The following LINGO2 variants were observed in gnomAD, a reference collection of about 807,000 sequenced individuals.
The protein encoded by LINGO2 is leucine rich repeat and Ig domain containing 2.
LINGO2 carries 14 observed loss-of-function variants against 30.6 expected under a neutral mutation model. The observed-to-expected ratio is 0.46, with a 90% CI of 0.30 to 0.72. The LOEUF (loss-of-function observed/expected upper bound fraction) is 0.72, where lower values mean the gene tolerates loss of function less well. LINGO2 is among the 30% of genes least tolerant of loss of function. The pLI, the probability that LINGO2 is intolerant of heterozygous loss-of-function variation, is 0.07. For missense variants in LINGO2, 729 were observed against 751.7 expected (o/e 0.97, Z 0.35); for synonymous variants, 317 against 288.5 (o/e 1.10, Z -1.00).
chr9:28,525,815 G>A (rs1371228808), intron 1 of LINGO2, among the ~76,000 whole-genome samples: 1 of 152,110 alleles, frequency 6.6e-6, no homozygotes, highest in Non-Finnish European at 1.5e-5. Context: ...CAGCACTTTG[G>A]GAGGCCAAGG....
At chr9:27,963,764 G>T (rs1159008615) in intron 5 of LINGO2, among the ~76,000 whole-genome samples, 2 of 150,336 alleles carry the variant, frequency 1.3e-5, no homozygotes, top group African/African-American at 4.9e-5. Flanking sequence ...GCAAGCAAAG[G>T]TTTTAATGAA....
intron 4 of LINGO2, among the ~76,000 whole-genome samples, chr9:28,106,752 C>T (rs1488141282): frequency 6.6e-6 from 1 of 152,124 alleles, no homozygotes; most frequent in Non-Finnish European, 1.5e-5. Context: ...ATTCTTTAAA[C>T]TTTTCAAACT....
the LINGO2 span, among the ~76,000 whole-genome samples, chr9:29,033,343 T>C: frequency 6.7e-6 from 1 of 149,856 alleles, no homozygotes; most frequent in Admixed American, 6.8e-5. Flanking sequence ...TTTGGATTGT[T>C]ATTCAAATGT....
chr9:28,823,131 C>T, the LINGO2 span, among the ~76,000 whole-genome samples: 2 of 152,062 alleles, frequency 1.3e-5, no homozygotes, highest in Admixed American at 6.6e-5. Flanking sequence ...GAAATCAGGT[C>T]CATTTGGCTC....
At chr9:27,976,229 C>A (rs1820586918) in intron 5 of LINGO2, among the ~76,000 whole-genome samples, 2 of 152,038 alleles carry the variant, frequency 1.3e-5, no homozygotes, top group Non-Finnish European at 2.9e-5. Flanking sequence ...GCTTTTATGG[C>A]CACTAATATA....
At chr9:28,581,590 AATAAT>A (rs1399606038) in intron 1 of LINGO2, among the ~76,000 whole-genome samples, 16 of 151,782 alleles carry the variant, frequency 1.1e-4, no homozygotes, top group African/African-American at 3.9e-4. Context: ...TGATCAGTTT[AATAAT>A]ATGTCAATTA....
rs1045248268 is a variant in LINGO2, at chr9:28,027,499, C to T, written c.-86-15094G>A. Among the ~76,000 whole-genome samples the T allele has an allele frequency of 1.3e-4, 20 of 152,148 alleles. No individual in the cohort carries two copies. In the East Asian group the frequency reaches 2.9e-3, roughly 22 times the overall value. On this transcript the variant is annotated intron_variant, in intron 4 of 5. Transcript: ENST00000379992. ...AGCACCTTTTATTTGTAGGGAGCTA[C>T]GGCAAATACTGGGGAAGCAAGCATG...
Position 28,222,563 on chromosome 9 carries a change from T to C in LINGO2, c.-87+72645A>G, listed in dbSNP as rs142201101. Among the ~76,000 whole-genome samples the C allele has an allele frequency of 8.5e-4, 129 of 152,308 alleles. 1 individual carries two copies. Among genetic ancestry groups the C allele is most frequent in the African/African-American group, 3.0e-3 (126 of 41,572 alleles). On this transcript the variant is annotated intron_variant, in intron 4 of 5. Coordinates refer to ENST00000379992, the Ensembl canonical transcript of LINGO2. Reference sequence around the variant, plus strand: ...AAAGTCAGCATTACCTTAGGTTTTATACTGAGTCACATTTCGAATCTAATA... The same window carrying C: ...AAAGTCAGCATTACCTTAGGTTTTACACTGAGTCACATTTCGAATCTAATA...
At chr9:28,359,580 A>T (rs569755749) in intron 3 of LINGO2, among the ~76,000 whole-genome samples, 2 of 152,278 alleles carry the variant, frequency 1.3e-5, no homozygotes, top group Admixed American at 1.3e-4. Flanking sequence ...AATCACTATC[A>T]TTTGGGTGAC....
chr9:28,602,359 T>C (rs149911947), intron 1 of LINGO2, among the ~76,000 whole-genome samples: 2 of 152,108 alleles, frequency 1.3e-5, no homozygotes, highest in African/African-American at 4.8e-5. Context: ...AAAACATAAA[T>C]TGATTTGGCC....
At chr9:28,873,790 A>G in the LINGO2 span, among the ~76,000 whole-genome samples, 1 of 152,134 alleles carries the variant, frequency 6.6e-6, no homozygotes, top group South Asian at 2.1e-4. Context: ...AAACCTGTTT[A>G]TGCATCTGTG....
At chr9:29,086,427 A>C in the LINGO2 span, among the ~76,000 whole-genome samples, 2 of 152,072 alleles carry the variant, frequency 1.3e-5, no homozygotes, top group Admixed American at 6.6e-5. Context: ...ACTGTCAAAA[A>C]AAAAATCTGG....
At chr9:29,067,721 G>C in the LINGO2 span, among the ~76,000 whole-genome samples, 1 of 144,494 alleles carries the variant, frequency 6.9e-6, no homozygotes, top group Non-Finnish European at 1.5e-5. Context: ...TACCATATAA[G>C]ATGATGCCAA....
chr9:29,189,296 G>A, the LINGO2 span, among the ~76,000 whole-genome samples: 5 of 151,646 alleles, frequency 3.3e-5, no homozygotes, highest in Non-Finnish European at 2.9e-5. Flanking sequence ...CCTCCCGGAC[G>A]GGGTGGCTGC....
chr9:28,025,018 A>G (rs1462280253), intron 4 of LINGO2, among the ~76,000 whole-genome samples: 1 of 152,224 alleles, frequency 6.6e-6, no homozygotes, highest in Non-Finnish European at 1.5e-5. Context: ...GCTCAAAGGC[A>G]GTAATCATTT....
chr9:28,036,480 A>T (rs566537887), intron 4 of LINGO2, among the ~76,000 whole-genome samples: 2 of 152,316 alleles, frequency 1.3e-5, no homozygotes, highest in East Asian at 3.9e-4. Context: ...ATCTAGTTCT[A>T]GTAGACCTAT....
chr9:27,983,916 T>C (rs1006240372), intron 5 of LINGO2, among the ~76,000 whole-genome samples: 2 of 151,888 alleles, frequency 1.3e-5, no homozygotes, highest in Non-Finnish European at 2.9e-5. Flanking sequence ...GAGTCTTCCT[T>C]TTCTTGTCCT....
intron 1 of LINGO2, among the ~76,000 whole-genome samples, chr9:28,608,853 G>C (rs1825797989): frequency 6.6e-6 from 1 of 151,816 alleles, no homozygotes; most frequent in African/African-American, 2.4e-5. Context: ...TGGTTACTTA[G>C]CATATTCATT....
the LINGO2 span, among the ~76,000 whole-genome samples, chr9:28,692,195 C>A: frequency 6.6e-6 from 1 of 152,132 alleles, no homozygotes; most frequent in African/African-American, 2.4e-5. Context: ...GCAATTTCGG[C>A]CGGGCATGGT....
Sources: allele counts gnomAD v4.1 joint callset (sites outside exome capture counted in the v4.1 genomes callset), GRCh38; gene constraint gnomAD v4.1.1; transcripts MANE v1.5; gene names NCBI Gene and HGNC (gene_info 2026-07-23, HGNC 2026-07-21).